Variants in CNIH3 observed in about 807,000 individuals in gnomAD.
The protein encoded by CNIH3 is cornichon family AMPA receptor auxiliary protein 3, also known as protein cornichon homolog 3.
CNIH3 carries 14 observed loss-of-function variants against 24.1 expected under a neutral mutation model. The ratio of observed to expected loss-of-function variants is 0.58; its 90% CI spans 0.38 to 0.91. CNIH3 has a LOEUF of 0.91. Ranked by LOEUF, CNIH3 falls within the 40% of genes least tolerant of loss-of-function variation. The probability of loss-of-function intolerance (pLI) is 0.00; values close to 1 mark genes in which losing one functional copy is unlikely to be tolerated. For synonymous variants in CNIH3, 68 were observed against 73.8 expected, an observed-to-expected ratio of 0.92 and a Z score of 0.40; for missense variants, 178 against 196.8, an observed-to-expected ratio of 0.90 and a Z score of 0.57.
chr1:224,463,626 C>T lies in CNIH3; in HGVS notation n.203+28764C>T, dbSNP rs994693727. ...TTCTCCATGTTGGTTAGGCTGGTCT[C>T]GAACTCCCAACCTCAGATGATCCGC... On this transcript the variant is annotated intron_variant and non_coding_transcript_variant, in intron 1 of 5. Transcript: ENST00000471578. Among the ~76,000 whole-genome samples the T allele has an allele frequency of 3.2e-4, 48 of 151,636 alleles. 1 individual carries two copies. Among genetic ancestry groups the T allele is most frequent in the African/African-American group, 8.7e-4 (36 of 41,234 alleles).
chr1:224,657,625 T>C (rs2125112443), intron 1 of CNIH3, among the ~76,000 whole-genome samples: 1 of 152,358 alleles, frequency 6.6e-6, no homozygotes, highest in South Asian at 2.1e-4. Flanking sequence ...AGTCCTGTTC[T>C]GCTTGATATT....
chr1:224,558,049 C>G (rs1343349579), intron 3 of CNIH3, among the ~76,000 whole-genome samples: 1 of 152,190 alleles, frequency 6.6e-6, no homozygotes, highest in Non-Finnish European at 1.5e-5. Flanking sequence ...TCGAACTGCT[C>G]AGAAATATGT....
intron 3 of CNIH3, among the ~76,000 whole-genome samples, chr1:224,563,685 AGATGTTGT>A (rs1680469659): frequency 6.6e-6 from 1 of 152,220 alleles, no homozygotes; most frequent in Non-Finnish European, 1.5e-5. Flanking sequence ...CGGATGGGAC[AGATGTTGT>A]GTCTTAGGGA....
At chr1:224,508,729 C>T (rs1678015735) in intron 1 of CNIH3, among the ~76,000 whole-genome samples, 1 of 152,234 alleles carries the variant, frequency 6.6e-6, no homozygotes, top group Non-Finnish European at 1.5e-5. Context: ...ACAACTCTAA[C>T]TTCCAGCTTC....
intron 3 of CNIH3, among the ~76,000 whole-genome samples, chr1:224,707,684 G>A (rs1005286044): frequency 7.9e-5 from 12 of 152,014 alleles, no homozygotes; most frequent in Non-Finnish European, 1.6e-4. Flanking sequence ...CAGATCTGTG[G>A]GATCATAATC....
chr1:224,676,889 C>T (rs1437375760), intron 1 of CNIH3, among the ~76,000 whole-genome samples: 3 of 152,152 alleles, frequency 2.0e-5, no homozygotes, highest in African/African-American at 4.8e-5. Context: ...GTAGCCTAAC[C>T]CCTACCTCCT....
chr1:224,643,005 T>G (rs1043469339), intron 1 of CNIH3, among the ~76,000 whole-genome samples: 2 of 152,192 alleles, frequency 1.3e-5, no homozygotes, highest in Non-Finnish European at 1.5e-5. Context: ...CCGAGATTCC[T>G]AAAGGGTCCT....
At chr1:224,613,105 C>T (rs1682775645), upstream of CNIH3, among the ~76,000 whole-genome samples, 1 of 152,210 alleles carries the variant, frequency 6.6e-6, no homozygotes, top group Non-Finnish European at 1.5e-5. Flanking sequence ...TCAAGCAATC[C>T]TCTGGCCTCA....
intron 3 of CNIH3, among the ~76,000 whole-genome samples, chr1:224,611,134 G>T (rs1208724326): frequency 1.3e-5 from 2 of 152,170 alleles, no homozygotes; most frequent in African/African-American, 4.8e-5. Flanking sequence ...TGGCCAATGA[G>T]ATGTAGCAGA....
intron 1 of CNIH3, among the ~76,000 whole-genome samples, chr1:224,650,951 G>A (rs1353237176): frequency 6.6e-6 from 1 of 152,106 alleles, no homozygotes; most frequent in African/African-American, 2.4e-5. Context: ...CTGGCTTGAT[G>A]GGGTCTTTTG....
chr1:224,555,270 T>C (rs944065228), intron 3 of CNIH3, among the ~76,000 whole-genome samples: 7 of 152,208 alleles, frequency 4.6e-5, no homozygotes, highest in Non-Finnish European at 1.0e-4. Flanking sequence ...TCCTGTGCTG[T>C]CACAGAAAGT....
intron 1 of CNIH3, among the ~76,000 whole-genome samples, chr1:224,517,212 T>C (rs1175688014): frequency 6.6e-6 from 1 of 152,162 alleles, no homozygotes; most frequent in East Asian, 1.9e-4. Flanking sequence ...CATACTCCCA[T>C]GGGGCAGTGC....
In CNIH3 at chr1:224,608,419, G is replaced by A. The variant is rs150058844; in HGVS notation, n.402+42155G>A. 1.8e-4 allele frequency among the ~76,000 whole-genome samples: 28 copies of A among 152,234 alleles called. No individual in the cohort carries two copies. In the East Asian group the frequency reaches 4.5e-3, roughly 24 times the overall value. ...CGAGCTCCCCAAGTGAGCAATTCCT[G>A]TCCCTTTTAAGGGCTTACAACTCTA... On this transcript the variant is annotated intron_variant and non_coding_transcript_variant, in intron 3 of 7. Coordinates refer to the CNIH3 transcript ENST00000478120.
rs892537594 is a variant in CNIH3 at position 224,704,172 on chromosome 1, C to T, written c.198+19329C>T. On this transcript the variant is annotated intron_variant, in intron 3 of 5. Coordinates refer to ENST00000272133, the MANE Select transcript of CNIH3 (RefSeq NM_152495.2). The surrounding 1 kb of genome is among the most constrained non-coding windows in gnomAD (Gnocchi z 4.2). ...TGTCCTGCCTGGTGTGAGCAGGCTG[C>T]ATCACCTACAGAGCAGGACCTCCAT... Among the ~76,000 whole-genome samples, 2 of 149,826 alleles carry T rather than the reference C, an allele frequency of 1.3e-5. No homozygotes were observed. Among genetic ancestry groups the T allele is most frequent in the Admixed American group, 1.3e-4 (2 of 15,164 alleles).
intron 1 of CNIH3, among the ~76,000 whole-genome samples, chr1:224,665,476 A>G (rs1348165249): frequency 2.0e-5 from 3 of 152,224 alleles, no homozygotes; most frequent in Admixed American, 6.5e-5. Context: ...AAACTCATTC[A>G]TTCTTTCAAT....
At chr1:224,621,875 A>T (rs575308877) in intron 1 of CNIH3, among the ~76,000 whole-genome samples, 1 of 152,228 alleles carries the variant, frequency 6.6e-6, no homozygotes, top group South Asian at 2.1e-4. Flanking sequence ...TGTGGGAAGG[A>T]TCTGGTGGGA....
At chr1:224,680,323 A>C (rs1036945236) in intron 1 of CNIH3, among the ~76,000 whole-genome samples, 3 of 152,198 alleles carry the variant, frequency 2.0e-5, no homozygotes, top group Admixed American at 2.0e-4. Flanking sequence ...CCTCTCCAGC[A>C]TTCTTTCCTC....
chr1:224,738,554 T>C (rs1470108023), intron 5 of CNIH3, among the ~76,000 whole-genome samples: 2 of 152,214 alleles, frequency 1.3e-5, no homozygotes, highest in Non-Finnish European at 2.9e-5. Context: ...TTTTACTTCT[T>C]AGATGAATCT....
chr1:224,497,817 GAGA>G (rs1243839086), intron 1 of CNIH3, among the ~76,000 whole-genome samples: 1 of 152,194 alleles, frequency 6.6e-6, no homozygotes, highest in Admixed American at 6.5e-5. Flanking sequence ...GGGCAAAACT[GAGA>G]AGTAGTTGAC....
Sources: allele counts gnomAD v4.1 joint callset (sites outside exome capture counted in the v4.1 genomes callset), GRCh38; gene constraint gnomAD v4.1.1; non-coding constraint Gnocchi (gnomAD v3.1); transcripts MANE v1.5; gene names NCBI Gene and HGNC (gene_info 2026-07-23, HGNC 2026-07-21).